The following TMEM132B variants were observed in gnomAD, a reference collection of about 807,000 sequenced individuals.
TMEM132B encodes transmembrane protein 132B.
In TMEM132B, 18 loss-of-function variants were observed where a neutral mutation model predicts 90.8. That is an observed-to-expected ratio of 0.20 (90% confidence interval 0.14 to 0.29). The LOEUF is 0.29. Ranked by LOEUF, TMEM132B falls within the 10% of genes least tolerant of loss-of-function variation. The pLI is 1.00. For missense variants in TMEM132B, 1,096 were observed against 1,326.8 expected (o/e 0.83, Z 2.70); for synonymous variants, 504 against 523.3 (o/e 0.96, Z 0.50).
At chr12:125,633,103 T>C (rs1053166698) in intron 5 of TMEM132B, among the ~76,000 whole-genome samples, 2 of 152,162 alleles carry the variant, frequency 1.3e-5, no homozygotes, top group Admixed American at 1.3e-4. Context: ...TGCTTGATTT[T>C]TATTCTTTTT....
chr12:125,200,882 T>C (rs576746589), intron 1 of TMEM132B, among the ~76,000 whole-genome samples: 10 of 152,322 alleles, frequency 6.6e-5, no homozygotes, highest in African/African-American at 2.4e-4. Context: ...TGGACAATTC[T>C]CAGAGGTCTT....
rs61943468 is a variant in TMEM132B at position 125,518,360 on chromosome 12, T to A, written c.1107-1079T>A. On this transcript the variant is annotated intron_variant, in intron 3 of 8. Transcript: ENST00000682704. ...AGTTTGGGAGCCCAGACTGCAGACCTTGCCTAGGCCCCCAGAGGCAGGAAG... is the reference window on the plus strand; with the variant it reads ...AGTTTGGGAGCCCAGACTGCAGACCATGCCTAGGCCCCCAGAGGCAGGAAG... Among the ~76,000 whole-genome samples the A allele has an allele frequency of 9.8e-3, 1,493 of 152,318 alleles. 17 individuals carry two copies. Among genetic ancestry groups the A allele is most frequent in the Non-Finnish European group, 0.016 (1,055 of 68,030 alleles).
intron 3 of TMEM132B, among the ~76,000 whole-genome samples, chr12:125,434,420 A>G (rs552328458): frequency 1.0e-4 from 15 of 150,590 alleles, no homozygotes; most frequent in African/African-American, 2.7e-4. Flanking sequence ...CATTCTGCCT[A>G]TTCACAGTCT....
Position 125,641,209 on chromosome 12 carries a change from C to T in TMEM132B, c.1438-2867C>T, listed in dbSNP as rs372352943. 1.5e-4 allele frequency among the ~76,000 whole-genome samples: 23 copies of T among 152,232 alleles called. No homozygotes were observed. In the East Asian group the frequency reaches 3.9e-3, roughly 26 times the overall value. ...ACTTGCTTGACCTCAACTGGGGATG[C>T]GTGCATGGCAGGTGGTTCAAAATTT... On this transcript the variant is annotated intron_variant, in intron 5 of 8. Transcript: ENST00000682704.
chr12:125,497,062 C>A (rs1882581333), intron 3 of TMEM132B, among the ~76,000 whole-genome samples: 1 of 152,124 alleles, frequency 6.6e-6, no homozygotes, highest in Admixed American at 6.5e-5. Flanking sequence ...GGATGGTTAC[C>A]TTTATTTCAA....
At chr12:125,325,284 G>A (rs1382096567) in intron 1 of TMEM132B, among the ~76,000 whole-genome samples, 1 of 152,092 alleles carries the variant, frequency 6.6e-6, no homozygotes, top group Non-Finnish European at 1.5e-5. Flanking sequence ...ATCAAAACAG[G>A]AGCGTTTGAT....
chr12:125,315,195 A>C (rs766271153), intron 1 of TMEM132B, among the ~76,000 whole-genome samples: 5 of 152,160 alleles, frequency 3.3e-5, no homozygotes, highest in Admixed American at 6.5e-5. Flanking sequence ...TAACAGTAGA[A>C]ATTGTTTCTT....
intron 1 of TMEM132B, chr12:125,326,738 G>C: frequency 6.6e-7 from 1 of 1,511,522 alleles, no homozygotes; most frequent in East Asian, 2.3e-5. Flanking sequence ...CCAAGGGGAG[G>C]TTTTCCTATG....
intron 1 of TMEM132B, among the ~76,000 whole-genome samples, chr12:125,236,116 T>C (rs1873930251): frequency 6.7e-6 from 1 of 149,954 alleles, no homozygotes; most frequent in Non-Finnish European, 1.5e-5. Flanking sequence ...ACTTCATTCC[T>C]TTTAATAGTT....
chr12:125,654,082 C>A lies in TMEM132B; in HGVS notation c.2624C>A (p.Thr875Lys). 6.2e-7 allele frequency: 1 copy of A among 1,614,166 alleles called. No individual in the cohort carries two copies. The highest frequency in any genetic ancestry group is 8.5e-7 in the Non-Finnish European group (1 of 1,180,038). Residue 875 changes from threonine to lysine, a missense_variant, in exon 9 of 9, where the codon ACA becomes AAA. Transcript: ENST00000682704. This position sits in a 1 kb window ranked among gnomAD's most constrained non-coding sequence, Gnocchi z 5.8. ...AAAAGTGGTGGTCCAGATGCCTTTA[C>A]AAGCTTCCCCACTCAAGGGAAGTCA... ...LLKSGGPDAF[T>K]SFPTQGKSPD... is the part of the protein sequence containing the mutation.
intron 1 of TMEM132B, among the ~76,000 whole-genome samples, chr12:125,338,932 G>A (rs1418737256): frequency 6.6e-6 from 1 of 152,190 alleles, no homozygotes; most frequent in Non-Finnish European, 1.5e-5. Flanking sequence ...AAGGAAGAAT[G>A]TCAATATTTC....
At position 125,349,611 on chromosome 12, in the gene TMEM132B, A is replaced by C. The variant is rs1227597402; in HGVS notation, c.227A>C (p.Glu76Ala). 16 of 1,613,958 alleles carry C rather than the reference A, an allele frequency of 9.9e-6. No individual in the cohort carries two copies. The highest frequency in any genetic ancestry group is 1.4e-5 in the Non-Finnish European group (16 of 1,180,028). The change falls in exon 2 of 9, where the codon GAG becomes GCG. Residue 76 changes from glutamate (E) to alanine (A), a missense_variant. By Grantham distance (107) the Glu-to-Ala change is moderately radical. Coordinates refer to ENST00000682704, the MANE Select transcript of TMEM132B (RefSeq NM_001366854.1). The surrounding 1 kb of genome is among the most constrained non-coding windows in gnomAD (Gnocchi z 4.1). ...TRNSSLQARVEPFFIYRARTP... is the reference protein window; with the variant it reads ...TRNSSLQARVAPFFIYRARTP... ...AACTCCAGTCTGCAGGCCCGGGTGG[A>C]GCCATTCTTCATCTACCGAGCCAGG...
At chr12:125,353,579 T>C (rs1339949620) in intron 2 of TMEM132B, among the ~76,000 whole-genome samples, 1 of 152,244 alleles carries the variant, frequency 6.6e-6, no homozygotes, top group Non-Finnish European at 1.5e-5. Context: ...TTAAACTCTG[T>C]CAACAGACAA....
chr12:125,489,415 T>A (rs889730943), intron 3 of TMEM132B, among the ~76,000 whole-genome samples: 21 of 152,054 alleles, frequency 1.4e-4, no homozygotes, highest in African/African-American at 3.6e-4. Context: ...AAAAATTTAC[T>A]TATTTATTTA....
intron 1 of TMEM132B, among the ~76,000 whole-genome samples, chr12:125,340,962 A>C (rs537405346): frequency 6.6e-4 from 100 of 152,318 alleles, no homozygotes; most frequent in Non-Finnish European, 1.1e-3. Flanking sequence ...TCACCAGAGG[A>C]ACTTCTCTTA....
At chr12:125,285,593 C>T (rs1202390738) in intron 1 of TMEM132B, among the ~76,000 whole-genome samples, 1 of 152,176 alleles carries the variant, frequency 6.6e-6, no homozygotes, top group African/African-American at 2.4e-5. Context: ...ATTTCTTTCC[C>T]AAAGTGAGTC....
chr12:125,477,162 A>G (rs749122205), intron 3 of TMEM132B, among the ~76,000 whole-genome samples: 21 of 152,196 alleles, frequency 1.4e-4, no homozygotes, highest in Non-Finnish European at 2.2e-4. Context: ...GTCTTTATCA[A>G]CTGCGCATTT....
rs750010940 is a variant in TMEM132B, at chr12:125,290,252, C to T, written c.68-59200C>T. Among the ~76,000 whole-genome samples the T allele has an allele frequency of 2.4e-4, 37 of 152,202 alleles. 1 individual carries two copies. The highest frequency in any genetic ancestry group is 1.7e-3 in the Admixed American group (26 of 15,286). ...GCAGGCAATTCTAGAGCTTCACTTT[C>T]AACTTTCTGCTCTTATTGATTTATG... On this transcript the variant is annotated intron_variant, in intron 1 of 8. Coordinates refer to ENST00000682704, the MANE Select transcript of TMEM132B (RefSeq NM_001366854.1).
chr12:125,480,557 A>G (rs949969764), intron 3 of TMEM132B, among the ~76,000 whole-genome samples: 15 of 152,244 alleles, frequency 9.9e-5, no homozygotes, highest in Non-Finnish European at 1.9e-4. Context: ...AGACTAAACC[A>G]GGAAGAAGTT....
Sources: allele counts gnomAD v4.1 joint callset (sites outside exome capture counted in the v4.1 genomes callset), GRCh38; gene constraint gnomAD v4.1.1; non-coding constraint Gnocchi (gnomAD v3.1); transcripts MANE v1.5; gene names NCBI Gene and HGNC (gene_info 2026-07-23, HGNC 2026-07-21).